The following PCDH11X variants were observed in gnomAD, a reference collection of about 807,000 sequenced individuals.
The protein encoded by PCDH11X is protocadherin 11 X-linked.
A neutral mutation model predicts 53.3 loss-of-function variants in PCDH11X; 18 were observed. That is an observed-to-expected ratio of 0.34 (90% confidence interval 0.23 to 0.50). The LOEUF is 0.50. PCDH11X is among the 20% of genes least tolerant of loss of function. The pLI is 0.98. For missense variants in PCDH11X, 570 were observed against 1,032.4 expected (o/e 0.55, Z 6.14); for synonymous variants, 279 against 393.3 (o/e 0.71, Z 3.44).
chrX:92,235,171 A>ATT (rs5902998), intron 7 of PCDH11X, among the ~76,000 whole-genome samples: 1 of 110,327 alleles, frequency 9.1e-6, no homozygotes, highest in African/African-American at 3.3e-5. Flanking sequence ...AAAGCACAAA[A>ATT]TTTTTTTAAA....
intron 10 of PCDH11X, among the ~76,000 whole-genome samples, chrX:92,610,579 G>T (rs1362223905): frequency 9.1e-6 from 1 of 109,855 alleles, no homozygotes; most frequent in East Asian, 2.9e-4. Context: ...ATTTTGCTTT[G>T]CAGAAGCTCT....
chrX:92,481,224 G>A (rs2073496844), intron 10 of PCDH11X, among the ~76,000 whole-genome samples: 1 of 109,419 alleles, frequency 9.1e-6, no homozygotes, highest in Admixed American at 9.7e-5. Context: ...TGCAATGACA[G>A]TACAGTGGGG....
chrX:92,284,708 AC>A (rs1244489761), intron 8 of PCDH11X, among the ~76,000 whole-genome samples: 1 of 50,084 alleles, frequency 2.0e-5, no homozygotes, highest in Non-Finnish European at 6.6e-5. Context: ...CCTACAAATC[AC>A]AGTTTATTTT....
chrX:92,254,438 A>G (rs1171838733), intron 7 of PCDH11X, among the ~76,000 whole-genome samples: 4 of 109,883 alleles, frequency 3.6e-5, no homozygotes, highest in Non-Finnish European at 7.6e-5. Flanking sequence ...TAGTCCATTT[A>G]CATTTAAAGT....
chrX:91,967,570 G>A (rs1400680224), intron 6 of PCDH11X, among the ~76,000 whole-genome samples: 4 of 108,505 alleles, frequency 3.7e-5, no homozygotes, highest in Non-Finnish European at 3.8e-5. Flanking sequence ...TGTCTTCTAC[G>A]AAACCAGTCC....
chrX:92,306,639 A>G (rs1164788962), intron 8 of PCDH11X, among the ~76,000 whole-genome samples: 1 of 99,203 alleles, frequency 1.0e-5, no homozygotes, highest in South Asian at 4.2e-4. Flanking sequence ...AATAATAATT[A>G]AAAAAAAAAA....
At chrX:91,854,542 G>T (rs1392194970) in intron 5 of PCDH11X, among the ~76,000 whole-genome samples, 3 of 112,082 alleles carry the variant, frequency 2.7e-5, no homozygotes, top group East Asian at 5.6e-4. Flanking sequence ...GGATTGTAAT[G>T]GTAGCTCAAT....
At chrX:92,306,842 C>T (rs34717234) in intron 8 of PCDH11X, among the ~76,000 whole-genome samples, 7,174 of 110,892 alleles carry the variant, frequency 0.065, 368 homozygotes, top group East Asian at 0.3. Context: ...CCCAGCTACT[C>T]TGGAGGCTAA....
intron 10 of PCDH11X, among the ~76,000 whole-genome samples, chrX:92,580,378 C>T (rs1370221718): frequency 1.9e-5 from 2 of 104,576 alleles, no homozygotes; most frequent in African/African-American, 7.5e-5. Context: ...CTGTGGCTGC[C>T]CATCTCATCA....
intron 8 of PCDH11X, among the ~76,000 whole-genome samples, chrX:92,275,338 G>A (rs1476254211): frequency 1.9e-5 from 2 of 105,659 alleles, no homozygotes; most frequent in African/African-American, 3.4e-5. Flanking sequence ...TCAGCAGGGA[G>A]AGCACGTGTG....
intron 6 of PCDH11X, among the ~76,000 whole-genome samples, chrX:92,128,651 G>A (rs1227372498): frequency 9.2e-6 from 1 of 109,159 alleles, no homozygotes; most frequent in Admixed American, 9.9e-5. Flanking sequence ...TGTCTGCCTC[G>A]GCCTCCCAAA....
chrX:92,087,662 A>G (rs1437202622), intron 6 of PCDH11X, among the ~76,000 whole-genome samples: 29 of 110,680 alleles, frequency 2.6e-4, no homozygotes, highest in Non-Finnish European at 4.5e-4. Flanking sequence ...TCCTCCACAC[A>G]CAGACAGGTT....
intron 10 of PCDH11X, among the ~76,000 whole-genome samples, chrX:92,617,334 G>T (rs1928088636): frequency 9.0e-6 from 1 of 111,627 alleles, no homozygotes; most frequent in Admixed American, 9.5e-5. Flanking sequence ...AAGGAGTATT[G>T]TAGTCTCCAA....
intron 9 of PCDH11X, among the ~76,000 whole-genome samples, chrX:92,463,790 C>A (rs377222560): frequency 9.1e-6 from 1 of 110,321 alleles, no homozygotes; most frequent in African/African-American, 3.3e-5. Flanking sequence ...AATAAAAGGG[C>A]AGAAAATAGA....
intron 6 of PCDH11X, among the ~76,000 whole-genome samples, chrX:91,952,389 G>GT (rs1420637297): frequency 1.8e-5 from 2 of 111,310 alleles, no homozygotes; most frequent in Non-Finnish European, 3.8e-5. Flanking sequence ...AACAAGCAGT[G>GT]TTTTTCTGTC....
intron 10 of PCDH11X, among the ~76,000 whole-genome samples, chrX:92,536,751 G>A (rs763437510): frequency 4.8e-5 from 5 of 103,518 alleles, no homozygotes; most frequent in Middle Eastern, 5.0e-3. Flanking sequence ...TTGACCTCTC[G>A]GGATCAAGCG....
intron 6 of PCDH11X, among the ~76,000 whole-genome samples, chrX:92,151,634 A>G (rs1296743918): frequency 9.0e-6 from 1 of 111,573 alleles, no homozygotes; most frequent in Non-Finnish European, 1.9e-5. Context: ...ATTATAATCT[A>G]TCTTAATTCT....
chrX:91,804,839 C>T (rs1256511003), intron 1 of PCDH11X, among the ~76,000 whole-genome samples: 1 of 109,217 alleles, frequency 9.2e-6, no homozygotes, highest in Non-Finnish European at 1.9e-5. Context: ...AGGAACTTTA[C>T]TCAGTTTTAG....
At chrX:92,496,795 C>A (rs1206647342) in intron 10 of PCDH11X, among the ~76,000 whole-genome samples, 2 of 103,838 alleles carry the variant, frequency 1.9e-5, no homozygotes, top group Admixed American at 2.0e-4. Flanking sequence ...TAAGAATGCA[C>A]TATAAACTCT....
Sources: gnomAD v4.1 joint callset for allele counts (sites outside exome capture counted in the v4.1 genomes callset) on GRCh38, gnomAD v4.1.1 for gene constraint, MANE v1.5 for transcripts, NCBI Gene and HGNC (gene_info 2026-07-23, HGNC 2026-07-21) for gene names.